Variants in NMNAT1 observed in about 807,000 individuals in gnomAD.
NMNAT1 encodes the protein nicotinamide/nicotinic acid mononucleotide adenylyltransferase 1.
In NMNAT1, 11 loss-of-function variants were observed where a neutral mutation model predicts 16.7. The observed-to-expected ratio is 0.66, with a 90% CI of 0.41 to 1.09. The LOEUF is 1.09. NMNAT1 is among the 50% of genes least tolerant of loss of function. The pLI is 0.00. For synonymous variants in NMNAT1, 110 were observed against 119.8 expected, an observed-to-expected ratio of 0.92 and a Z score of 0.53; for missense variants, 280 against 332.3, an observed-to-expected ratio of 0.84 and a Z score of 1.22.
At chr1:9,994,356 A>G in the NMNAT1 span, among the ~76,000 whole-genome samples, 1 of 151,496 alleles carries the variant, frequency 6.6e-6, no homozygotes, top group African/African-American at 2.4e-5. Context: ...CAGGCAATCC[A>G]CCCATCTCAG....
At chr1:9,948,044 G>T (rs576991011) in intron 1 of NMNAT1, among the ~76,000 whole-genome samples, 1 of 152,146 alleles carries the variant, frequency 6.6e-6, no homozygotes, top group African/African-American at 2.4e-5. Flanking sequence ...CATTCTTATT[G>T]TGTGATTGCT....
intron 1 of NMNAT1, among the ~76,000 whole-genome samples, chr1:9,948,976 A>G (rs967355799): frequency 6.6e-6 from 1 of 151,598 alleles, no homozygotes; most frequent in African/African-American, 2.4e-5. Context: ...CTGAAGTAAA[A>G]AGACAAAACA....
chr1:9,957,729 G>A (rs796157484), intron 1 of NMNAT1, among the ~76,000 whole-genome samples: 2 of 152,216 alleles, frequency 1.3e-5, no homozygotes, highest in African/African-American at 4.8e-5. Flanking sequence ...GTTTGAGTTC[G>A]GCTAATTACA....
chr1:9,996,165 G>A, the NMNAT1 span, among the ~76,000 whole-genome samples: 1 of 151,422 alleles, frequency 6.6e-6, no homozygotes, highest in Admixed American at 6.6e-5. Context: ...TAAAAAGTTA[G>A]CCGGGCGTGT....
intron 3 of NMNAT1, among the ~76,000 whole-genome samples, chr1:9,978,862 G>T (rs1641872250): frequency 1.3e-5 from 2 of 152,144 alleles, no homozygotes; most frequent in African/African-American, 4.8e-5. Context: ...CCTGCTTAGG[G>T]CCCCTTCCTT....
rs1642008503 is a variant in NMNAT1, at chr1:9,984,226, T to C, written c.*1525T>C. ...CCATGTCCGGCTAATTTTGTATTTT[T>C]AGTAGAGATGGGGTTTCGCCATGTT... On this transcript the variant is annotated 3_prime_UTR_variant, in exon 5 of 5. Transcript: ENST00000377205. The C allele has an allele frequency of 6.6e-6, 1 of 152,144 alleles. No individual in the cohort carries two copies. The highest frequency in any genetic ancestry group is 1.5e-5 in the Non-Finnish European group (1 of 68,078). The allele number at this position is 152,144 out of a possible 1,614,324, so 9.4% of individuals were successfully genotyped here.
At chr1:9,992,933 A>G in the NMNAT1 span, among the ~76,000 whole-genome samples, 1 of 152,100 alleles carries the variant, frequency 6.6e-6, no homozygotes, top group Non-Finnish European at 1.5e-5. Context: ...AAAAGAAAAG[A>G]AAAGACTGTA....
the NMNAT1 span, among the ~76,000 whole-genome samples, chr1:9,990,989 A>G: frequency 6.6e-6 from 1 of 152,210 alleles, no homozygotes; most frequent in Non-Finnish European, 1.5e-5. Context: ...TGTCTACTTC[A>G]GCTGAAATTA....
At chr1:9,974,931 A>C (rs187896049) in intron 2 of NMNAT1, among the ~76,000 whole-genome samples, 272 of 152,320 alleles carry the variant, frequency 1.8e-3, no homozygotes, top group African/African-American at 6.3e-3. Context: ...GGGCTTTTGC[A>C]TACATCTAGG....
Position 9,972,009 on chromosome 1 carries a change from C to T in NMNAT1, c.-56-9C>T. The stretch of plus-strand genomic sequence containing the variant: ...GCATAACTGAATTTATTTTCTTTTT[C>T]CTTTGTAGACAACAAGGGAGGTGTC... On this transcript the variant is annotated splice_polypyrimidine_tract_variant and intron_variant, in intron 1 of 4. Transcript: ENST00000377205. 3 of 849,766 alleles carry T rather than the reference C, an allele frequency of 3.5e-6. No individual in the cohort carries two copies. The highest frequency in any genetic ancestry group is 1.7e-5 in the African/African-American group (1 of 59,048). 52.6% of individuals were successfully genotyped at this position (849,766 alleles called of 1,614,324 possible). A position where few individuals can be genotyped will look rare whatever the true frequency, so the allele number is the denominator to read the frequency against.
At chr1:9,970,582 G>C (rs573754350) in intron 1 of NMNAT1, among the ~76,000 whole-genome samples, 1 of 151,898 alleles carries the variant, frequency 6.6e-6, no homozygotes, top group African/African-American at 2.4e-5. Flanking sequence ...CCAGCTACTC[G>C]GGAGGCTGAG....
intron 1 of NMNAT1, among the ~76,000 whole-genome samples, chr1:9,954,331 T>A (rs987895103): frequency 8.6e-5 from 13 of 151,680 alleles, no homozygotes; most frequent in African/African-American, 2.7e-4. Context: ...TACTTCAACC[T>A]CCCAAGTAGC....
chr1:9,968,158 G>A (rs1272292253), intron 1 of NMNAT1, among the ~76,000 whole-genome samples: 5 of 138,346 alleles, frequency 3.6e-5, no homozygotes, highest in Non-Finnish European at 6.1e-5. Flanking sequence ...TGCAAGCTCC[G>A]CCTCCTGGGT....
At chr1:9,980,955 T>C (rs1017032612) in intron 3 of NMNAT1, 76 bp from the exon 4 acceptor site, 368 of 1,490,302 alleles carry the variant, frequency 2.5e-4, no homozygotes, top group Non-Finnish European at 3.1e-4. Context: ...TGTGCCCAGC[T>C]ATAAATAATG....
downstream of NMNAT1, among the ~76,000 whole-genome samples, chr1:9,988,703 C>A (rs1176880891): frequency 8.8e-4 from 59 of 67,292 alleles, no homozygotes; most frequent in African/African-American, 2.0e-3. Context: ...GACTCCATCT[C>A]AAAAAAAAAA....
intron 1 of NMNAT1, among the ~76,000 whole-genome samples, chr1:9,955,420 AAAG>A (rs1641235233): frequency 6.6e-6 from 1 of 150,652 alleles, no homozygotes; most frequent in South Asian, 2.1e-4. Context: ...AAAAAAAAAA[AAAG>A]AAAGAAACCC....
chr1:9,972,709 G>A (rs1412067865), intron 2 of NMNAT1, among the ~76,000 whole-genome samples: 1 of 152,258 alleles, frequency 6.6e-6, no homozygotes, highest in South Asian at 2.1e-4. Flanking sequence ...TGTAATCCCA[G>A]TGCTTTGGGA....
chr1:9,972,784 C>G (rs1289808886), intron 2 of NMNAT1, among the ~76,000 whole-genome samples: 1 of 152,016 alleles, frequency 6.6e-6, no homozygotes, highest in Non-Finnish European at 1.5e-5. Flanking sequence ...AGAGAGAGAC[C>G]TCATCTCTAC....
the NMNAT1 span, among the ~76,000 whole-genome samples, chr1:9,996,413 C>T: frequency 2.0e-5 from 3 of 151,950 alleles, no homozygotes; most frequent in African/African-American, 7.3e-5. Flanking sequence ...CATATCTAGG[C>T]GGTGTTTGTG....
Sources: gnomAD v4.1 joint callset for allele counts (sites outside exome capture counted in the v4.1 genomes callset) on GRCh38, gnomAD v4.1.1 for gene constraint, MANE v1.5 for transcripts, NCBI Gene and HGNC (gene_info 2026-07-23, HGNC 2026-07-21) for gene names.